SPTAN1: variants seen among roughly 807,000 people sequenced by gnomAD.
The protein encoded by SPTAN1 is spectrin alpha chain, non-erythrocytic 1.
A neutral mutation model predicts 331.3 loss-of-function variants in SPTAN1; 61 were observed. That is an observed-to-expected ratio of 0.18 (90% CI 0.15 to 0.23). The LOEUF (loss-of-function observed/expected upper bound fraction) is 0.23. Among genes scored for constraint, SPTAN1 ranks in the 10% least tolerant of loss-of-function variants. The pLI is 1.00. For missense variants in SPTAN1, 2,043 were observed against 3,147.9 expected, an observed-to-expected ratio of 0.65 and a Z score of 8.40; for synonymous variants, 1,153 against 1,173.9, an observed-to-expected ratio of 0.98 and a Z score of 0.36.
Position 128,633,605 on chromosome 9 carries a change from C to T in SPTAN1, c.*271C>T. ...TGGCTCCTCCCCTTGTTCTCTCTCC[C>T]ACCCTCCCCCAAATCTGTTTTCATG... On this transcript the variant is annotated 3_prime_UTR_variant, in exon 57 of 57. Transcript: ENST00000372739. 8.5e-7 allele frequency: 1 copy of T among 1,180,628 alleles called. No homozygotes were observed. Among genetic ancestry groups the T allele is most frequent in the South Asian group, 1.4e-5 (1 of 70,510 alleles). 73.1% of individuals were successfully genotyped at this position (1,180,628 alleles called of 1,614,324 possible). A position where few individuals can be genotyped will look rare whatever the true frequency, so the allele number is the denominator to read the frequency against.
Position 128,583,086 on chromosome 9 carries a change from A to G in SPTAN1, c.1816A>G (p.Asn606Asp). 1.2e-6 allele frequency: 2 copies of G among 1,614,176 alleles called. No homozygotes were observed. The highest frequency in any genetic ancestry group is 1.7e-6 in the Non-Finnish European group (2 of 1,180,042). ...ATDEAYKDPS[N>D]LQGKVQKHQA... ...CTTCTTTTATTCACAGGATCCATCC[A>G]ACCTACAAGGAAAAGTACAGAAGCA... is the stretch of plus-strand genomic sequence containing the variant. The change falls in exon 15 of 57, where the codon AAC (asparagine) becomes GAC (aspartate). Residue 606 changes from asparagine to aspartate, a missense_variant. By Grantham distance (23) the Asn-to-Asp change is conservative (BLOSUM62 1). Coordinates refer to ENST00000372739, the MANE Select transcript of SPTAN1 (RefSeq NM_001130438.3).
At chr9:128,572,159 C>T (rs532504205) in intron 3 of SPTAN1, among the ~76,000 whole-genome samples, 1 of 152,324 alleles carries the variant, frequency 6.6e-6, no homozygotes, top group Non-Finnish European at 1.5e-5. Context: ...TGCACCCAGC[C>T]TGTGTGCTTT....
intron 37 of SPTAN1, among the ~76,000 whole-genome samples, chr9:128,611,161 C>A (rs1216940858): frequency 6.6e-6 from 1 of 152,202 alleles, no homozygotes; most frequent in Non-Finnish European, 1.5e-5. Context: ...AAATAGCTAG[C>A]ATAGCTACTG....
At chr9:128,580,365 CAT>C (rs892153857) in intron 10 of SPTAN1, among the ~76,000 whole-genome samples, 1 of 150,386 alleles carries the variant, frequency 6.6e-6, no homozygotes, top group Admixed American at 6.6e-5. Flanking sequence ...TATATATACA[CAT>C]ATGTATATAA....
rs1481793942 is a variant in SPTAN1, at chr9:128,563,013, T to C, written c.-3-3725T>C. On this transcript the variant is annotated intron_variant, in intron 1 of 56. Coordinates refer to ENST00000372739, the MANE Select transcript of SPTAN1 (RefSeq NM_001130438.3). ...ATGTGTATATATATATATATATATA[T>C]ATATATATATATATGTATATATTTT... Among the ~76,000 whole-genome samples, 10 of 143,334 alleles carry C rather than the reference T, an allele frequency of 7.0e-5. 1 individual carries two copies. Among genetic ancestry groups the C allele is most frequent in the South Asian group, 2.2e-4 (1 of 4,634 alleles). The allele number at this position is 143,334 out of a possible 152,430, so 94.0% of individuals were successfully genotyped here.
chr9:128,633,178 C>T (rs767995880), intron 56 of SPTAN1, 31 bp from the exon 57 acceptor site: 5 of 1,613,728 alleles, frequency 3.1e-6, no homozygotes, highest in South Asian at 1.1e-5. Flanking sequence ...GCAGCTGGCT[C>T]AGGCACCAGG....
intron 22 of SPTAN1, 49 bp downstream of exon 22, chr9:128,591,674 C>A: frequency 3.7e-6 from 6 of 1,610,380 alleles, no homozygotes; most frequent in Non-Finnish European, 5.1e-6. Context: ...CATAGGCATA[C>A]TCTGTTCCAC....
intron 2 of SPTAN1, among the ~76,000 whole-genome samples, chr9:128,567,737 T>G (rs1321621562): frequency 6.6e-6 from 1 of 152,184 alleles, no homozygotes; most frequent in Non-Finnish European, 1.5e-5. Context: ...AGCCTGAATC[T>G]TATGGTACGT....
chr9:128,612,464 C>G (rs1375133883), intron 39 of SPTAN1, among the ~76,000 whole-genome samples: 1 of 152,152 alleles, frequency 6.6e-6, no homozygotes, highest in Non-Finnish European at 1.5e-5. Flanking sequence ...GACTACAGGT[C>G]ACTCACATCC....
chr9:128,594,365 T>G lies in SPTAN1; in HGVS notation c.3406T>G (p.Phe1136Val). 6.2e-7 allele frequency: 1 copy of G among 1,613,136 alleles called. No homozygotes were observed. Among genetic ancestry groups the G allele is most frequent in the Non-Finnish European group, 8.5e-7 (1 of 1,179,676 alleles). ...GGTGCTCCAGAAGAAGTTTGATGAC[T>G]TCCAGAAGGTATGGGCAGTCTTCAG... ...VEVLQKKFDD[F>V]QKDLKANESR... The change falls in exon 24 of 57, where the codon TTC becomes GTC. Residue 1136 changes from phenylalanine to valine, a missense_variant. Phe to Val is a conservative substitution (Grantham distance 50, BLOSUM62 -1). Coordinates refer to ENST00000372739, the MANE Select transcript of SPTAN1 (RefSeq NM_001130438.3).
At chr9:128,599,786 T>C (rs1854839204) in intron 26 of SPTAN1, 1 of 444,510 alleles carries the variant, frequency 2.2e-6, no homozygotes, top group Admixed American at 3.8e-5. Context: ...CAGACAATCT[T>C]ATGAGTACAA....
intron 2 of SPTAN1, 140 bp from the exon 3 acceptor site, chr9:128,568,632 G>A: frequency 8.5e-7 from 1 of 1,174,612 alleles, no homozygotes; most frequent in East Asian, 2.6e-5. Context: ...GAGCAGGTAA[G>A]AGAATGGGCA....
At chr9:128,592,858 A>T (rs1468990087) in intron 22 of SPTAN1, 125 bp from the exon 23 acceptor site, 1 of 884,440 alleles carries the variant, frequency 1.1e-6, no homozygotes, top group Non-Finnish European at 1.9e-6. Context: ...GACCTGTTGA[A>T]TAACTCCATA....
At chr9:128,630,178 A>C (rs1276847580) in intron 51 of SPTAN1, 143 bp from the exon 52 acceptor site, 1 of 880,248 alleles carries the variant, frequency 1.1e-6, no homozygotes, top group Admixed American at 1.7e-5. Flanking sequence ...CCCATTAGGT[A>C]AAGATGGCCA....
chr9:128,562,208 T>G (rs1849457310), intron 1 of SPTAN1, among the ~76,000 whole-genome samples: 1 of 152,142 alleles, frequency 6.6e-6, no homozygotes, highest in African/African-American at 2.4e-5. Flanking sequence ...GTTCAAGCGA[T>G]TCTTCTGCCT....
intron 15 of SPTAN1, 83 bp downstream of exon 15, chr9:128,583,364 C>T (rs542162290): frequency 1.5e-5 from 20 of 1,371,438 alleles, no homozygotes; most frequent in Middle Eastern, 1.8e-4. Context: ...GGGACATATA[C>T]CCCCCAAGAA....
chr9:128,618,177 T>G, intron 43 of SPTAN1, 69 bp downstream of exon 43: 1 of 1,604,616 alleles, frequency 6.2e-7, no homozygotes, highest in East Asian at 2.2e-5. Context: ...GACTCTGAGC[T>G]GTGGGGGTCC....
chr9:128,633,033 G>C, intron 56 of SPTAN1, 78 bp downstream of exon 56: 1 of 1,600,076 alleles, frequency 6.2e-7, no homozygotes, highest in Non-Finnish European at 8.5e-7. Flanking sequence ...TGAGTCTGGG[G>C]TAACAGGCCC....
rs2131266516 is a variant in SPTAN1 at position 128,588,845 on chromosome 9, G to A, written c.2908G>A (p.Glu970Lys). 5 of 1,614,184 alleles carry A rather than the reference G, an allele frequency of 3.1e-6. No individual in the cohort carries two copies. The highest frequency in any genetic ancestry group is 4.2e-6 in the Non-Finnish European group (5 of 1,180,022). The change falls in exon 21 of 57, where the codon GAG becomes AAG. Residue 970 changes from glutamate (E) to lysine (K), a missense_variant. Around this residue, in one of 12 missense-constraint regions of SPTAN1, gnomAD observed 1,038 missense variants for 1,531.5 expected, o/e 0.68. Transcript: ENST00000372739. ...VAPTDDETGK[E>K]LVLALYDYQE... Reference sequence around the variant, plus strand: ...CCCCACGGATGATGAGACTGGGAAGGAGCTGGTCTTGGCTCTCTACGACTA... The same window carrying A: ...CCCCACGGATGATGAGACTGGGAAGAAGCTGGTCTTGGCTCTCTACGACTA...
Sources: gnomAD v4.1 joint callset for allele counts (sites outside exome capture counted in the v4.1 genomes callset) on GRCh38, gnomAD v4.1.1 for gene constraint, gnomAD v4.1.1 regional missense constraint, MANE v1.5 for transcripts, NCBI Gene and HGNC (gene_info 2026-07-23, HGNC 2026-07-21) for gene names.